COLEC12: variants seen among roughly 807,000 people sequenced by gnomAD.
COLEC12 encodes the protein collectin subfamily member 12, also known as collectin-12.
A neutral mutation model predicts 71.1 loss-of-function variants in COLEC12; 33 were observed. That is an observed-to-expected ratio of 0.46 (90% CI 0.35 to 0.62). The LOEUF (loss-of-function observed/expected upper bound fraction) is 0.62. COLEC12 is among the 20% of genes least tolerant of loss of function. The pLI is 0.00. For missense variants in COLEC12, 765 were observed against 916.1 expected, an observed-to-expected ratio of 0.84 and a Z score of 2.13; for synonymous variants, 350 against 353.0, an observed-to-expected ratio of 0.99 and a Z score of 0.10.
chr18:354,093 A>G (rs1914578415), intron 3 of COLEC12, among the ~76,000 whole-genome samples: 1 of 152,200 alleles, frequency 6.6e-6, no homozygotes, highest in South Asian at 2.1e-4. Context: ...TGGAAAGGAT[A>G]ATGGAGTAGG....
chr18:326,078 T>C (rs1385221646), intron 8 of COLEC12, among the ~76,000 whole-genome samples: 2 of 152,240 alleles, frequency 1.3e-5, no homozygotes, highest in Non-Finnish European at 2.9e-5. Context: ...ATCATTGATT[T>C]TCAACCTTTA....
intron 2 of COLEC12, among the ~76,000 whole-genome samples, chr18:479,443 G>C (rs1917368559): frequency 6.6e-6 from 1 of 152,208 alleles, no homozygotes; most frequent in South Asian, 2.1e-4. Context: ...GCGGGAGGCA[G>C]AGCAGCTGGG....
intron 2 of COLEC12, among the ~76,000 whole-genome samples, chr18:445,409 G>T (rs1428335420): frequency 2.0e-5 from 3 of 152,068 alleles, no homozygotes; most frequent in African/African-American, 7.2e-5. Flanking sequence ...ATTCTGATGG[G>T]GCAGATCTGA....
intron 2 of COLEC12, among the ~76,000 whole-genome samples, chr18:427,069 A>G (rs1489097058): frequency 6.6e-6 from 1 of 152,220 alleles, no homozygotes; most frequent in Non-Finnish European, 1.5e-5. Flanking sequence ...AATGCTGACT[A>G]ACATTCCACT....
rs1282490123 is a variant in COLEC12, at chr18:413,669, TA to T, written c.59-56148del. 2.0e-5 allele frequency among the ~76,000 whole-genome samples: 3 copies of T among 152,300 alleles called. No homozygotes were observed. In the East Asian group the frequency reaches 5.8e-4, roughly 29 times the overall value. ...TGAGACCCCATCTCTATAAAAAATT[TA>T]AAAAAGCATCTGTACGTGAATGTTT... On this transcript the variant is annotated intron_variant, in intron 2 of 9. Transcript: ENST00000400256.
chr18:497,211 A>G (rs113184633), intron 1 of COLEC12, among the ~76,000 whole-genome samples: 196 of 152,230 alleles, frequency 1.3e-3, no homozygotes, highest in African/African-American at 4.5e-3. Context: ...GCAGGATTAC[A>G]CTCCAAGAGC....
At chr18:392,901 A>G (rs1011215609) in intron 2 of COLEC12, among the ~76,000 whole-genome samples, 2 of 152,238 alleles carry the variant, frequency 1.3e-5, no homozygotes, top group Non-Finnish European at 2.9e-5. Context: ...ACATAACCCA[A>G]TGTTCAGACT....
At chr18:419,850 A>G (rs1227365219) in intron 2 of COLEC12, among the ~76,000 whole-genome samples, 4 of 152,144 alleles carry the variant, frequency 2.6e-5, no homozygotes, top group African/African-American at 9.7e-5. Context: ...AACTTAACCA[A>G]CAGAATACAG....
chr18:477,455 A>C (rs945329492), intron 2 of COLEC12, among the ~76,000 whole-genome samples: 1 of 149,474 alleles, frequency 6.7e-6, no homozygotes, highest in Non-Finnish European at 1.5e-5. Context: ...TTAAACAATA[A>C]GTAAACCCTC....
intron 2 of COLEC12, among the ~76,000 whole-genome samples, chr18:472,344 G>A (rs1342124329): frequency 2.0e-5 from 3 of 152,024 alleles, no homozygotes; most frequent in African/African-American, 4.8e-5. Context: ...CTTTACTGAT[G>A]GCCACCAACC....
chr18:410,326 C>A (rs1305155151), intron 2 of COLEC12, among the ~76,000 whole-genome samples: 7 of 152,146 alleles, frequency 4.6e-5, no homozygotes, highest in Admixed American at 1.3e-4. Context: ...CCAAGTATAA[C>A]TAAAATCCTG....
intron 8 of COLEC12, among the ~76,000 whole-genome samples, chr18:331,222 C>G (rs949097576): frequency 6.6e-6 from 1 of 152,124 alleles, no homozygotes; most frequent in Non-Finnish European, 1.5e-5. Flanking sequence ...TCTAATCACA[C>G]TCTGCCTAGA....
intron 2 of COLEC12, among the ~76,000 whole-genome samples, chr18:365,392 A>G (rs1914833325): frequency 6.6e-6 from 1 of 152,230 alleles, no homozygotes; most frequent in Non-Finnish European, 1.5e-5. Flanking sequence ...GGGCCAGGGA[A>G]AGAAGGTACC....
At chr18:454,981 A>ACACATGT (rs1916836576) in intron 2 of COLEC12, among the ~76,000 whole-genome samples, 1 of 152,206 alleles carries the variant, frequency 6.6e-6, no homozygotes, top group Non-Finnish European at 1.5e-5. Flanking sequence ...TCAATGAAAG[A>ACACATGT]CACATGTTGA....
chr18:347,391 C>T, intron 4 of COLEC12, 50 bp from the exon 5 acceptor site: 1 of 1,484,834 alleles, frequency 6.7e-7, no homozygotes, highest in Non-Finnish European at 9.3e-7. Context: ...GAGAAGTGTT[C>T]AGGCAAGGCC....
rs1380729070 is a variant in COLEC12 at position 318,611 on chromosome 18, G to C, written c.*1434C>G. ...GGGCTCAAGCGATTCTCCTGCCTCA[G>C]CCTCCTGAGTAGCTGGGATTACAGG... On this transcript the variant is annotated 3_prime_UTR_variant, in exon 10 of 10. Transcript: ENST00000400256. 6.8e-6 allele frequency: 1 copy of C among 147,754 alleles called. No individual in the cohort carries two copies. Among genetic ancestry groups the C allele is most frequent in the African/African-American group, 2.5e-5 (1 of 39,820 alleles). The allele number at this position is 147,754 out of a possible 1,614,324, so 9.2% of individuals were successfully genotyped here.
At chr18:471,576 T>C (rs1917198703) in intron 2 of COLEC12, among the ~76,000 whole-genome samples, 1 of 151,654 alleles carries the variant, frequency 6.6e-6, no homozygotes. Flanking sequence ...ATTTTATGAA[T>C]AAATCGAATT....
intron 2 of COLEC12, among the ~76,000 whole-genome samples, chr18:460,861 A>T (rs945971790): frequency 5.1e-4 from 77 of 152,166 alleles, no homozygotes; most frequent in Admixed American, 4.3e-3. Flanking sequence ...TTAGGTGCAC[A>T]TATCACTCGG....
intron 1 of COLEC12, among the ~76,000 whole-genome samples, chr18:499,330 GTGGACACC>G (rs1200750427): frequency 1.3e-5 from 2 of 152,184 alleles, no homozygotes; most frequent in African/African-American, 4.8e-5. Flanking sequence ...GTCTCCCGAC[GTGGACACC>G]TAACGCCCTT....
Sources: gnomAD v4.1 joint callset for allele counts (sites outside exome capture counted in the v4.1 genomes callset) on GRCh38, gnomAD v4.1.1 for gene constraint, MANE v1.5 for transcripts, NCBI Gene and HGNC (gene_info 2026-07-23, HGNC 2026-07-21) for gene names.